SPRED1: variants seen among roughly 807,000 people sequenced by gnomAD.
The protein encoded by SPRED1 is sprouty-related, EVH1 domain-containing protein 1.
In SPRED1, 18 loss-of-function variants were observed where a neutral mutation model predicts 52.3. That is an observed-to-expected ratio of 0.34 (90% CI 0.24 to 0.51). SPRED1 has a LOEUF of 0.51. SPRED1 is among the 20% of genes least tolerant of loss of function. The pLI is 0.97. For missense variants in SPRED1, 485 were observed against 551.0 expected, an observed-to-expected ratio of 0.88 and a Z score of 1.20; for synonymous variants, 155 against 179.7, an observed-to-expected ratio of 0.86 and a Z score of 1.10.
chr15:38,351,561 C>G lies in SPRED1; in HGVS notation c.1232C>G (p.Ser411Cys). The G allele has an allele frequency of 2.5e-6, 4 of 1,614,168 alleles. No individual in the cohort carries two copies. Among genetic ancestry groups the G allele is most frequent in the Non-Finnish European group, 2.5e-6 (3 of 1,180,018 alleles). ...CGATGGTTAGCCCTGGTAGCTTTGTCTTTCATTGTACCATGTATGTGCTGC... is the reference window on the plus strand; with the variant it reads ...CGATGGTTAGCCCTGGTAGCTTTGTGTTTCATTGTACCATGTATGTGCTGC... ...CLRWLALVAL[S>C]FIVPCMCCYV... Residue 411 changes from serine to cysteine, a missense_variant, in exon 7 of 7, where the codon TCT becomes TGT. Physicochemically the swap from Ser to Cys is moderately radical, Grantham distance 112. Around this residue, in one of 5 missense-constraint regions of SPRED1, gnomAD observed 205 missense variants for 245.2 expected, o/e 0.84. Transcript: ENST00000299084.
chr15:38,287,933 T>G (rs1894843149), intron 1 of SPRED1, among the ~76,000 whole-genome samples: 1 of 152,164 alleles, frequency 6.6e-6, no homozygotes, highest in Non-Finnish European at 1.5e-5. Context: ...TGATTTCCCC[T>G]TGCTTATCCT....
chr15:38,321,117 C>A (rs1363125818), intron 2 of SPRED1, among the ~76,000 whole-genome samples: 1 of 152,088 alleles, frequency 6.6e-6, no homozygotes, highest in African/African-American at 2.4e-5. Context: ...GAAATATACT[C>A]AAGTGTGTAT....
At chr15:38,253,257 C>T (rs777914211) in intron 1 of SPRED1, 40 bp downstream of exon 1, 22 of 1,552,812 alleles carry the variant, frequency 1.4e-5, no homozygotes, top group East Asian at 4.8e-5. Flanking sequence ...TCCCCCTCCC[C>T]CTATCCGCCC....
In SPRED1 at chr15:38,356,105, A is replaced by G. The variant is rs1888613619; in HGVS notation, c.*4441A>G. The G allele has an allele frequency of 6.6e-6, 1 of 152,156 alleles. No individual in the cohort carries two copies. Among genetic ancestry groups the G allele is most frequent in the South Asian group, 2.1e-4 (1 of 4,828 alleles). The allele number at this position is 152,156 out of a possible 1,614,324, so 9.4% of individuals were successfully genotyped here. A position where few individuals can be genotyped will look rare whatever the true frequency, so the allele number is the denominator to read the frequency against. ...AAACTAGTTGAAAAGTCTTTGTATT[A>G]AAAATACACATAGATTTTTGTGAAC... On this transcript the variant is annotated 3_prime_UTR_variant, in exon 7 of 7. Transcript: ENST00000299084.
chr15:38,288,615 A>G (rs1376787298), intron 1 of SPRED1, among the ~76,000 whole-genome samples: 1 of 152,188 alleles, frequency 6.6e-6, no homozygotes, highest in Non-Finnish European at 1.5e-5. Flanking sequence ...CTAGAGCCCC[A>G]CGGTAGAAGA....
At chr15:38,260,948 C>T (rs1242521518) in intron 1 of SPRED1, among the ~76,000 whole-genome samples, 4 of 152,132 alleles carry the variant, frequency 2.6e-5, no homozygotes, top group South Asian at 2.1e-4. Flanking sequence ...ATAGAGGAGA[C>T]GAAATATTAC....
Position 38,299,451 on chromosome 15 carries a change from T to C in SPRED1, c.111T>C (p.Ser37=). 6.2e-7 allele frequency: 1 copy of C among 1,613,702 alleles called. No homozygotes were observed. The highest frequency in any genetic ancestry group is 8.5e-7 in the Non-Finnish European group (1 of 1,179,882). Residue 37 remains serine (S), a synonymous_variant, in exon 2 of 7, where the codon AGT becomes AGC. Coordinates refer to ENST00000299084, the MANE Select transcript of SPRED1 (RefSeq NM_152594.3). The part of the protein sequence containing the change: ...SSGGWLPLGG[S]GLSSVTVFKV... Reference sequence around the variant, plus strand: ...GTGGATGGTTACCACTTGGAGGGAGTGGACTAAGCAGCGTCACTGTCTTCA... The same window carrying C: ...GTGGATGGTTACCACTTGGAGGGAGCGGACTAAGCAGCGTCACTGTCTTCA...
chr15:38,269,416 AT>A (rs1894383127), intron 1 of SPRED1, among the ~76,000 whole-genome samples: 1 of 151,896 alleles, frequency 6.6e-6, no homozygotes, highest in Non-Finnish European at 1.5e-5. Flanking sequence ...TAATTTTTAA[AT>A]TTTTTTGTAG....
intron 1 of SPRED1, among the ~76,000 whole-genome samples, chr15:38,297,597 G>A (rs1379732360): frequency 1.3e-5 from 2 of 152,134 alleles, no homozygotes; most frequent in Non-Finnish European, 2.9e-5. Context: ...AAATTATGAA[G>A]CCAAACCCTT....
chr15:38,300,922 A>C (rs1423499463), intron 2 of SPRED1, among the ~76,000 whole-genome samples: 1 of 152,172 alleles, frequency 6.6e-6, no homozygotes, highest in East Asian at 1.9e-4. Flanking sequence ...ATATTGTTGG[A>C]GAAATTGTCT....
At chr15:38,255,299 T>A (rs995209094) in intron 1 of SPRED1, among the ~76,000 whole-genome samples, 3 of 152,176 alleles carry the variant, frequency 2.0e-5, no homozygotes, top group African/African-American at 7.2e-5. Context: ...CATCTAAATG[T>A]ACTTAGTATG....
intron 1 of SPRED1, among the ~76,000 whole-genome samples, chr15:38,271,933 G>A (rs1286117746): frequency 6.6e-6 from 1 of 152,050 alleles, no homozygotes; most frequent in East Asian, 1.9e-4. Flanking sequence ...GTAGTCCCCA[G>A]TGTCTATTGT....
chr15:38,297,426 C>T (rs915196655), intron 1 of SPRED1, among the ~76,000 whole-genome samples: 1 of 152,150 alleles, frequency 6.6e-6, no homozygotes, highest in African/African-American at 2.4e-5. Context: ...GGAGCTTGCT[C>T]CAGCCCATCT....
At chr15:38,298,940 G>C (rs1211454340) in intron 1 of SPRED1, among the ~76,000 whole-genome samples, 1 of 152,116 alleles carries the variant, frequency 6.6e-6, no homozygotes, top group Non-Finnish European at 1.5e-5. Flanking sequence ...AACTGTTAGG[G>C]ACTTCTAGAT....
chr15:38,354,111 A>G lies in SPRED1; in HGVS notation c.*2447A>G, dbSNP rs1305062985. On this transcript the variant is annotated 3_prime_UTR_variant, in exon 7 of 7. Transcript: ENST00000299084. The stretch of plus-strand genomic sequence containing the variant: ...ACATACCCAGTTTCTTAATCAGTCT[A>G]CAAGACTAACTGATGATATAATGTT... 6.6e-6 allele frequency: 1 copy of G among 152,588 alleles called. No homozygotes were observed. Among genetic ancestry groups the G allele is most frequent in the African/African-American group, 2.4e-5 (1 of 41,462 alleles). 9.5% of individuals were successfully genotyped at this position (152,588 alleles called of 1,614,324 possible).
intron 1 of SPRED1, among the ~76,000 whole-genome samples, chr15:38,267,088 C>T (rs747314002): frequency 6.6e-6 from 1 of 152,116 alleles, no homozygotes; most frequent in Non-Finnish European, 1.5e-5. Context: ...CAAAAGAAAT[C>T]AACTAAAAAC....
intron 2 of SPRED1, among the ~76,000 whole-genome samples, chr15:38,304,824 C>A (rs1522777): frequency 0.82 from 125,273 of 152,074 alleles, 52,393 homozygotes; most frequent in Non-Finnish European, 0.9. Context: ...TTCGCTATTA[C>A]ATTGTGCCTC....
chr15:38,352,531 AC>A lies in SPRED1; in HGVS notation c.*868del, dbSNP rs891267186. The A allele has an allele frequency of 1.9e-4, 29 of 152,484 alleles. No homozygotes were observed. The highest frequency in any genetic ancestry group is 7.0e-4 in the African/African-American group (29 of 41,412). 9.4% of individuals were successfully genotyped at this position (152,484 alleles called of 1,614,324 possible). On this transcript the variant is annotated 3_prime_UTR_variant, in exon 7 of 7. Transcript: ENST00000299084. ...ATATAAAAAGAGACTGAGTAAACAAACATTATAGAAAAAAAGTGAAGTTTTT... is the reference window on the plus strand; with the variant it reads ...ATATAAAAAGAGACTGAGTAAACAAAATTATAGAAAAAAAGTGAAGTTTTT...
intron 2 of SPRED1, among the ~76,000 whole-genome samples, chr15:38,319,705 T>A (rs1272901115): frequency 6.6e-6 from 1 of 152,062 alleles, no homozygotes; most frequent in African/African-American, 2.4e-5. Context: ...ACACATAGAG[T>A]CATCAAAGTA....
Sources: allele counts gnomAD v4.1 joint callset (sites outside exome capture counted in the v4.1 genomes callset), GRCh38; gene constraint gnomAD v4.1.1; regional missense constraint gnomAD v4.1.1; transcripts MANE v1.5; gene names NCBI Gene and HGNC (gene_info 2026-07-23, HGNC 2026-07-21).